Variants in DGKB observed in about 807,000 individuals in gnomAD.
DGKB encodes the protein 90 kDa diacylglycerol kinase.
Under a neutral mutation model 114.3 loss-of-function variants are expected in DGKB, and 67 were observed. The ratio of observed to expected loss-of-function variants is 0.59; its 90% CI spans 0.48 to 0.72. The LOEUF is 0.72. DGKB is among the 30% of genes least tolerant of loss of function. DGKB has a pLI of 0.00. For missense variants in DGKB, 907 were observed against 975.2 expected, an observed-to-expected ratio of 0.93 and a Z score of 0.93; for synonymous variants, 398 against 323.1, an observed-to-expected ratio of 1.23 and a Z score of -2.49.
intron 7 of DGKB, among the ~76,000 whole-genome samples, chr7:14,700,602 G>C (rs1056447136): frequency 6.6e-6 from 1 of 152,048 alleles, no homozygotes; most frequent in East Asian, 1.9e-4. Flanking sequence ...CCTAGAGTAG[G>C]AGTTATATAT....
chr7:14,463,493 C>G (rs1833392362), intron 21 of DGKB, among the ~76,000 whole-genome samples: 1 of 152,116 alleles, frequency 6.6e-6, no homozygotes, highest in Admixed American at 6.6e-5. Flanking sequence ...AGTATTTTCT[C>G]CTTTGCATCC....
At chr7:14,438,468 C>T (rs1238854382) in intron 21 of DGKB, among the ~76,000 whole-genome samples, 1 of 152,076 alleles carries the variant, frequency 6.6e-6, no homozygotes, top group Non-Finnish European at 1.5e-5. Context: ...GAGATATTGT[C>T]AAGCCTGAGT....
At chr7:14,365,849 A>G (rs75178965) in intron 21 of DGKB, among the ~76,000 whole-genome samples, 4,373 of 152,232 alleles carry the variant, frequency 0.029, 85 homozygotes, top group South Asian at 0.11. Flanking sequence ...AGCTTTATAA[A>G]TTGTATTAGG....
chr7:14,285,711 A>G (rs1800766431), intron 23 of DGKB, among the ~76,000 whole-genome samples: 1 of 152,154 alleles, frequency 6.6e-6, no homozygotes, highest in Non-Finnish European at 1.5e-5. Flanking sequence ...CAATTATGAA[A>G]TATATTTTTG....
intron 5 of DGKB, among the ~76,000 whole-genome samples, chr7:14,731,682 AC>A (rs1217681888): frequency 2.6e-5 from 4 of 152,114 alleles, no homozygotes; most frequent in Non-Finnish European, 5.9e-5. Context: ...GTGAGCCTCA[AC>A]CATCTTTCTG....
intron 2 of DGKB, among the ~76,000 whole-genome samples, chr7:14,769,394 G>T (rs1023741851): frequency 6.6e-6 from 1 of 152,040 alleles, no homozygotes; most frequent in Non-Finnish European, 1.5e-5. Flanking sequence ...CAATGTGTAA[G>T]GCTAAAGCAG....
intron 23 of DGKB, among the ~76,000 whole-genome samples, chr7:14,276,585 C>G (rs1799031958): frequency 6.6e-6 from 1 of 151,930 alleles, no homozygotes; most frequent in Non-Finnish European, 1.5e-5. Context: ...AGAAAAATTA[C>G]TGGAATATAT....
At chr7:14,305,242 T>A (rs1030634249) in intron 23 of DGKB, among the ~76,000 whole-genome samples, 1 of 152,156 alleles carries the variant, frequency 6.6e-6, no homozygotes, top group Non-Finnish European at 1.5e-5. Flanking sequence ...CTTCTAACTG[T>A]ATTTTTGTAC....
intron 23 of DGKB, among the ~76,000 whole-genome samples, chr7:14,300,295 A>G (rs1001336286): frequency 2.0e-5 from 3 of 152,026 alleles, no homozygotes; most frequent in Non-Finnish European, 2.9e-5. Flanking sequence ...TCCCTCATCA[A>G]TCTGACTTTG....
chr7:14,856,847 C>A (rs959243863), intron 1 of DGKB, among the ~76,000 whole-genome samples: 1 of 152,112 alleles, frequency 6.6e-6, no homozygotes, highest in African/African-American at 2.4e-5. Context: ...AAATTCCTCC[C>A]AAACTGGACT....
In DGKB at chr7:14,456,144, T is replaced by C. The variant is rs73280364; in HGVS notation, c.1835+22017A>G. On this transcript the variant is annotated intron_variant, in intron 21 of 25. Transcript: ENST00000402815. ...ATTAAGAATATTGCATGAAATTATT[T>C]TCAGGTTATGTGTATAAGGTATATA... is the stretch of plus-strand genomic sequence containing the variant. 9.2e-3 allele frequency among the ~76,000 whole-genome samples: 1,407 copies of C among 152,212 alleles called. 24 individuals are homozygous for C. The highest frequency in any genetic ancestry group is 0.032 in the African/African-American group (1,347 of 41,568).
At chr7:14,613,979 T>G (rs1217507241) in intron 15 of DGKB, among the ~76,000 whole-genome samples, 1 of 152,142 alleles carries the variant, frequency 6.6e-6, no homozygotes, top group Admixed American at 6.6e-5. Context: ...TCCTCCTTGC[T>G]GAATAGGTTG....
chr7:14,284,661 T>C (rs374121101), intron 23 of DGKB, among the ~76,000 whole-genome samples: 57 of 149,150 alleles, frequency 3.8e-4, no homozygotes, highest in Non-Finnish European at 2.2e-4. Flanking sequence ...CACATATACA[T>C]CATGGAATAC....
rs1373524055 is a variant in DGKB, at chr7:14,958,475, A to ACACC, written c.-188+16220_-188+16221insGGTG. On this transcript the variant is annotated intron_variant, in intron 1 of 4. Transcript: ENST00000437998. ...CACACACACACACACACACACACAC[A>ACACC]CCCCGTCCAGGAGATGTTAATAAAG... Among the ~76,000 whole-genome samples the ACACC allele has an allele frequency of 1.9e-4, 27 of 144,380 alleles. No homozygotes were observed. In the East Asian group the frequency reaches 2.1e-3, roughly 11 times the overall value. 94.7% of individuals were successfully genotyped at this position (144,380 alleles called of 152,430 possible). A position where few individuals can be genotyped will look rare whatever the true frequency, so the allele number is the denominator to read the frequency against.
chr7:14,473,788 T>C (rs999747344), intron 21 of DGKB, among the ~76,000 whole-genome samples: 2 of 152,194 alleles, frequency 1.3e-5, no homozygotes, highest in African/African-American at 4.8e-5. Context: ...ATTTTGGGGC[T>C]TTAAGATTTT....
intron 4 of DGKB, among the ~76,000 whole-genome samples, chr7:14,740,228 C>T (rs1006640149): frequency 5.2e-5 from 7 of 133,788 alleles, no homozygotes; most frequent in Admixed American, 1.8e-4. Flanking sequence ...CCCTGCCCTA[C>T]GCTTAAGCCT....
Position 14,535,630 on chromosome 7 carries a change from C to A in DGKB, c.1770+38582G>T, listed in dbSNP as rs189687289. ...GGAGACGGAGTCTTGCTCTGTCACC[C>A]AGGCTGGCGTGCAATGGTGTGATCT... On this transcript the variant is annotated intron_variant, in intron 20 of 25. Transcript: ENST00000402815. Among the ~76,000 whole-genome samples the A allele has an allele frequency of 2.6e-5, 4 of 152,198 alleles. No homozygotes were observed. In the East Asian group the frequency reaches 7.7e-4, roughly 29 times the overall value.
At chr7:14,879,628 C>T (rs1853908560) in intron 1 of DGKB, among the ~76,000 whole-genome samples, 1 of 152,148 alleles carries the variant, frequency 6.6e-6, no homozygotes, top group African/African-American at 2.4e-5. Flanking sequence ...TCTGTTAGTA[C>T]ACAAACTTGT....
intron 23 of DGKB, among the ~76,000 whole-genome samples, chr7:14,209,855 G>A (rs1438151756): frequency 3.3e-5 from 5 of 150,998 alleles, no homozygotes; most frequent in African/African-American, 1.2e-4. Context: ...ATTTTGTTAA[G>A]CTATCTGGCA....
Sources: allele counts gnomAD v4.1 joint callset (sites outside exome capture counted in the v4.1 genomes callset), GRCh38; gene constraint gnomAD v4.1.1; transcripts MANE v1.5; gene names NCBI Gene and HGNC (gene_info 2026-07-23, HGNC 2026-07-21).